MACC1: variants seen among roughly 807,000 people sequenced by gnomAD.
The protein encoded by MACC1 is metastasis-associated in colon cancer protein 1.
In MACC1, 79 loss-of-function variants were observed where a neutral mutation model predicts 70.7. The observed-to-expected ratio is 1.12, with a 90% CI of 0.93 to 1.35. The LOEUF is 1.35. MACC1 is among the 40% of genes most tolerant of loss of function. The pLI is 0.00. For missense variants in MACC1, 1,106 were observed against 978.1 expected (o/e 1.13, Z -1.74); for synonymous variants, 361 against 347.2 (o/e 1.04, Z -0.44).
intron 1 of MACC1, among the ~76,000 whole-genome samples, chr7:20,199,125 T>G (rs1313422812): frequency 6.6e-6 from 1 of 152,222 alleles, no homozygotes; most frequent in Non-Finnish European, 1.5e-5. Context: ...AAAGCCAGCT[T>G]ATTAATCCTC....
chr7:20,187,052 T>A (rs1469386201), intron 1 of MACC1, among the ~76,000 whole-genome samples: 1 of 152,190 alleles, frequency 6.6e-6, no homozygotes, highest in Non-Finnish European at 1.5e-5. Context: ...TCACAATTTT[T>A]TGAATTTACA....
intron 1 of MACC1, among the ~76,000 whole-genome samples, chr7:20,192,410 C>T (rs1018065045): frequency 6.6e-6 from 1 of 152,188 alleles, no homozygotes; most frequent in Non-Finnish European, 1.5e-5. Context: ...ATTTCAAAAT[C>T]TAGAACTATT....
rs1160294179 is a variant in MACC1 at position 20,168,247 on chromosome 7, T to A, written c.-153+2467A>T. Among the ~76,000 whole-genome samples the A allele has an allele frequency of 3.4e-5, 5 of 145,922 alleles. No homozygotes were observed. The Admixed American group carries it at 3.6e-4, about 10-fold the overall frequency. ...AATGAGTTTAAACAACAAGTAAGTG[T>A]ATATTATTCTTCAGTAAAAAAAAAA... On this transcript the variant is annotated intron_variant, in intron 2 of 6. Coordinates refer to ENST00000400331, the MANE Select transcript of MACC1 (RefSeq NM_182762.4).
chr7:20,176,662 C>A, intron 1 of MACC1, among the ~76,000 whole-genome samples: 1 of 152,216 alleles, frequency 6.6e-6, no homozygotes, highest in Non-Finnish European at 1.5e-5. Context: ...TAGCCCCAAA[C>A]TGGAAACAAC....
intron 2 of MACC1, among the ~76,000 whole-genome samples, chr7:20,167,228 C>T (rs1047592631): frequency 1.3e-5 from 2 of 151,458 alleles, no homozygotes; most frequent in Admixed American, 6.6e-5. Flanking sequence ...TGGAATTTTG[C>T]TCTGTCGCCC....
Position 20,207,317 on chromosome 7 carries a change from A to AT in MACC1, c.-218+9981dup, listed in dbSNP as rs1174731938. Among the ~76,000 whole-genome samples, 433 of 132,936 alleles carry AT rather than the reference A, an allele frequency of 3.3e-3. 3 individuals are homozygous for AT. The highest frequency in any genetic ancestry group is 0.027 in the East Asian group (117 of 4,406). The allele number at this position is 132,936 out of a possible 152,430, so 87.2% of individuals were successfully genotyped here. ...CACCCCATGTCTGGTTAATTTTTGTATTTTTTTTTTTTTTAGTAGAGACGG... is the reference window on the plus strand; with the variant it reads ...CACCCCATGTCTGGTTAATTTTTGTATTTTTTTTTTTTTTTAGTAGAGACGG... On this transcript the variant is annotated intron_variant, in intron 1 of 6. Coordinates refer to ENST00000400331, the MANE Select transcript of MACC1 (RefSeq NM_182762.4).
intron 1 of MACC1, among the ~76,000 whole-genome samples, chr7:20,181,992 C>G (rs1011007127): frequency 6.6e-6 from 1 of 151,612 alleles, no homozygotes; most frequent in Non-Finnish European, 1.5e-5. Context: ...ACATATACAC[C>G]ATGGAATACT....
At chr7:20,196,172 G>T (rs79048008) in intron 1 of MACC1, among the ~76,000 whole-genome samples, 6 of 151,662 alleles carry the variant, frequency 4.0e-5, no homozygotes, top group African/African-American at 9.7e-5. Flanking sequence ...TAATTTTCAG[G>T]TTTTTTTTAA....
chr7:20,175,624 C>G (rs553149278), intron 1 of MACC1, among the ~76,000 whole-genome samples: 2 of 152,124 alleles, frequency 1.3e-5, no homozygotes, highest in South Asian at 4.1e-4. Flanking sequence ...GGGTTTTGTG[C>G]CTCTGGCACT....
Position 20,158,252 on chromosome 7 carries a change from A to C in MACC1, c.2109T>G (p.Asp703Glu), listed in dbSNP as rs762605155. 6.2e-7 allele frequency: 1 copy of C among 1,603,322 alleles called. No homozygotes were observed. Among genetic ancestry groups the C allele is most frequent in the African/African-American group, 1.4e-5 (1 of 74,072 alleles). ...VSYVIKKLKE[D>E]CHTERNTRKF... ...TCCTTGTATTTCTCTCTGTGTGGCAATCTTCCTTTAACTTCTTTATAACAT... is the reference window on the plus strand; with the variant it reads ...TCCTTGTATTTCTCTCTGTGTGGCACTCTTCCTTTAACTTCTTTATAACAT... Residue 703 changes from aspartate (D) to glutamate (E), a missense_variant, in exon 5 of 7, where the codon GAT becomes GAG. By Grantham distance (45) the Asp-to-Glu change is conservative (BLOSUM62 2). Coordinates refer to ENST00000400331, the MANE Select transcript of MACC1 (RefSeq NM_182762.4).
At chr7:20,168,844 A>C (rs1281245489) in intron 2 of MACC1, among the ~76,000 whole-genome samples, 1 of 152,226 alleles carries the variant, frequency 6.6e-6, no homozygotes. Context: ...GCTGACTGAG[A>C]CATTCTAGGC....
At chr7:20,167,720 G>C (rs1782241778) in intron 2 of MACC1, among the ~76,000 whole-genome samples, 1 of 151,964 alleles carries the variant, frequency 6.6e-6, no homozygotes, top group African/African-American at 2.4e-5. Context: ...CTGGAGAGTA[G>C]TATCAAGCCA....
At chr7:20,187,824 T>C (rs1017696185) in intron 1 of MACC1, among the ~76,000 whole-genome samples, 2 of 152,182 alleles carry the variant, frequency 1.3e-5, no homozygotes, top group African/African-American at 4.8e-5. Flanking sequence ...TCTGTTGTCA[T>C]TTGCCCCTGG....
chr7:20,185,138 C>A (rs1782566870), intron 1 of MACC1: 1 of 152,120 alleles, frequency 6.6e-6, no homozygotes, highest in South Asian at 2.1e-4. Flanking sequence ...AAAAACTAAG[C>A]CTGAATTCCT....
intron 1 of MACC1, among the ~76,000 whole-genome samples, chr7:20,210,416 T>C (rs192563157): frequency 7.9e-5 from 12 of 152,240 alleles, no homozygotes; most frequent in African/African-American, 2.9e-4. Context: ...GTTTTATGTA[T>C]GTATTTGTCA....
intron 1 of MACC1, among the ~76,000 whole-genome samples, chr7:20,213,281 G>T (rs1783024322): frequency 6.6e-6 from 1 of 152,194 alleles, no homozygotes; most frequent in Non-Finnish European, 1.5e-5. Flanking sequence ...AATAACAGAT[G>T]CTGGTGAGGT....
intron 1 of MACC1, among the ~76,000 whole-genome samples, chr7:20,189,750 A>AAC (rs72116191): frequency 2.8e-3 from 329 of 117,706 alleles, no homozygotes; most frequent in Admixed American, 6.1e-3. Context: ...CAAACACATA[A>AAC]ACACACACAC....
intron 1 of MACC1, among the ~76,000 whole-genome samples, chr7:20,182,317 T>G (rs1782522708): frequency 6.6e-6 from 1 of 152,038 alleles, no homozygotes; most frequent in Non-Finnish European, 1.5e-5. Context: ...GTTGTGCACA[T>G]GTACCCTAAA....
intron 1 of MACC1, chr7:20,184,977 A>G (rs180678717): frequency 6.6e-6 from 1 of 152,310 alleles, no homozygotes; most frequent in African/African-American, 2.4e-5. Flanking sequence ...AATATTCTCA[A>G]CTTGAACTTA....
Sources: gnomAD v4.1 joint callset for allele counts (sites outside exome capture counted in the v4.1 genomes callset) on GRCh38, gnomAD v4.1.1 for gene constraint, MANE v1.5 for transcripts, NCBI Gene and HGNC (gene_info 2026-07-23, HGNC 2026-07-21) for gene names.